The following RAD51B variants were observed in gnomAD, a reference collection of about 807,000 sequenced individuals.
The protein encoded by RAD51B is RAD51 paralog B, also known as DNA repair protein RAD51 homolog 2.
RAD51B carries 38 observed loss-of-function variants against 42.2 expected under a neutral mutation model. The observed-to-expected ratio is 0.90, with a 90% CI of 0.70 to 1.18. The LOEUF (loss-of-function observed/expected upper bound fraction) is 1.18. Ranked by LOEUF, RAD51B falls within the 50% of genes most tolerant of loss-of-function variation. RAD51B has a pLI of 0.00. For synonymous variants in RAD51B, 154 were observed against 145.2 expected (o/e 1.06, Z -0.43); for missense variants, 373 against 400.7 (o/e 0.93, Z 0.59).
chr14:67,958,442 GA>G (rs1384840108), intron 7 of RAD51B, among the ~76,000 whole-genome samples: 1 of 152,078 alleles, frequency 6.6e-6, no homozygotes, highest in Non-Finnish European at 1.5e-5. Flanking sequence ...CTTGAAAAAA[GA>G]TGAAAAATAC....
At chr14:67,894,732 G>A (rs951514550) in intron 7 of RAD51B, among the ~76,000 whole-genome samples, 2 of 152,102 alleles carry the variant, frequency 1.3e-5, no homozygotes, top group African/African-American at 2.4e-5. Flanking sequence ...ATAGTCTCTC[G>A]GGTAAACCCT....
At chr14:68,303,270 A>G (rs1477798460) in intron 8 of RAD51B, among the ~76,000 whole-genome samples, 1 of 152,132 alleles carries the variant, frequency 6.6e-6, no homozygotes, top group African/African-American at 2.4e-5. Flanking sequence ...GAGCTGAACA[A>G]TGAGAACACA....
intron 7 of RAD51B, among the ~76,000 whole-genome samples, chr14:68,052,796 G>GTT (rs1160215989): frequency 2.8e-5 from 4 of 141,382 alleles, no homozygotes; most frequent in Non-Finnish European, 4.7e-5. Flanking sequence ...ATTTTTTTGT[G>GTT]TTTTTTTTTT....
intron 7 of RAD51B, among the ~76,000 whole-genome samples, chr14:68,072,541 T>G (rs2076770304): frequency 6.6e-6 from 1 of 152,030 alleles, no homozygotes; most frequent in Non-Finnish European, 1.5e-5. Context: ...CGATTAAGAG[T>G]GGGTCTGCCT....
intron 7 of RAD51B, among the ~76,000 whole-genome samples, chr14:68,095,527 G>A (rs2077177120): frequency 6.6e-6 from 1 of 151,954 alleles, no homozygotes. Context: ...TCAATTTCAT[G>A]TATACTGTTT....
rs147622760 is a variant in RAD51B, at chr14:68,618,224, C to T, written c.1037-32557C>T. ...CCAGATTCACTCGCCACCCTTTGGC[C>T]TGTCAACCTGTCTAGATTGCATCAA... On this transcript the variant is annotated intron_variant, in intron 10 of 11. Transcript: ENST00000488612. 8.8e-4 allele frequency among the ~76,000 whole-genome samples: 134 copies of T among 152,328 alleles called. 1 individual carries two copies. The highest frequency in any genetic ancestry group is 3.0e-3 in the African/African-American group (124 of 41,564).
chr14:68,177,815 C>T (rs2078990083), intron 7 of RAD51B, among the ~76,000 whole-genome samples: 1 of 152,100 alleles, frequency 6.6e-6, no homozygotes, highest in East Asian at 1.9e-4. Flanking sequence ...GTCTATTGAT[C>T]ATTGAGCCAC....
chr14:68,073,525 A>G (rs998055142), intron 7 of RAD51B, among the ~76,000 whole-genome samples: 9 of 151,970 alleles, frequency 5.9e-5, no homozygotes, highest in Non-Finnish European at 1.0e-4. Flanking sequence ...GTTTTTCTTC[A>G]TGGTTAATAT....
At chr14:68,468,623 A>G in intron 10 of RAD51B, 1 of 344,436 alleles carries the variant, frequency 2.9e-6, no homozygotes, top group South Asian at 2.3e-5. Context: ...GCTGCCCCAG[A>G]GCCTTCTTGC....
exon 11 of RAD51B, chr14:68,595,317 C>G (rs1595010649): frequency 9.4e-7 from 1 of 1,066,382 alleles, no homozygotes; most frequent in East Asian, 4.9e-5. Context: ...TTACAATAAG[C>G]TTGCCTGCCT....
At chr14:68,312,305 G>A (rs1482811568) in intron 8 of RAD51B, among the ~76,000 whole-genome samples, 2 of 152,226 alleles carry the variant, frequency 1.3e-5, no homozygotes, top group Admixed American at 1.3e-4. Context: ...CATGTTCGGA[G>A]CAGAATGTAT....
chr14:68,591,530 A>G (rs1453884788), intron 10 of RAD51B, among the ~76,000 whole-genome samples: 1 of 152,186 alleles, frequency 6.6e-6, no homozygotes, highest in Non-Finnish European at 1.5e-5. Flanking sequence ...TATCCTTCCA[A>G]TGACTCAAAT....
intron 11 of RAD51B, among the ~76,000 whole-genome samples, chr14:68,651,028 C>T (rs1892689083): frequency 6.6e-6 from 1 of 152,116 alleles, no homozygotes; most frequent in Admixed American, 6.5e-5. Context: ...GTTAACAGTA[C>T]AGTAACTGAA....
rs148971976 is a variant in RAD51B, at chr14:68,457,916, G to A, written c.958-10256G>A. Among the ~76,000 whole-genome samples the A allele has an allele frequency of 5.6e-4, 83 of 147,966 alleles. 1 individual carries two copies. The East Asian group carries it at 0.01, about 18-fold the overall frequency. On this transcript the variant is annotated intron_variant, in intron 9 of 10. Transcript: ENST00000471583. Reference sequence around the variant, plus strand: ...GCGTGAGCCACTGCGCCCAGCCCTAGGAATTATTAACACTTTCAAACCACA... The same window carrying A: ...GCGTGAGCCACTGCGCCCAGCCCTAAGAATTATTAACACTTTCAAACCACA...
intron 7 of RAD51B, among the ~76,000 whole-genome samples, chr14:68,133,778 G>A (rs2077950579): frequency 6.6e-6 from 1 of 151,894 alleles, no homozygotes; most frequent in South Asian, 2.1e-4. Context: ...GGCCAAATCT[G>A]AATGATTTTT....
At chr14:68,179,177 TTA>T (rs1453918201) in intron 7 of RAD51B, among the ~76,000 whole-genome samples, 39 of 152,294 alleles carry the variant, frequency 2.6e-4, no homozygotes, top group African/African-American at 8.4e-4. Flanking sequence ...TACAGTTAAA[TTA>T]CTGTTTATTG....
At chr14:68,245,100 T>C (rs918733089) in intron 7 of RAD51B, among the ~76,000 whole-genome samples, 2 of 152,136 alleles carry the variant, frequency 1.3e-5, no homozygotes, top group Non-Finnish European at 1.5e-5. Context: ...GTCTCCTCCA[T>C]CTCCTCCAGA....
intron 7 of RAD51B, among the ~76,000 whole-genome samples, chr14:67,945,431 A>C (rs2045355299): frequency 6.6e-6 from 1 of 152,174 alleles, no homozygotes; most frequent in Non-Finnish European, 1.5e-5. Context: ...CACAATACCA[A>C]GTTCTCATGA....
intron 8 of RAD51B, among the ~76,000 whole-genome samples, chr14:68,405,428 G>C (rs1014368003): frequency 1.3e-5 from 2 of 151,984 alleles, no homozygotes; most frequent in African/African-American, 4.8e-5. Flanking sequence ...TGGGCAATAA[G>C]GGAGACCCTT....
Sources: allele counts gnomAD v4.1 joint callset (sites outside exome capture counted in the v4.1 genomes callset), GRCh38; gene constraint gnomAD v4.1.1; transcripts MANE v1.5; gene names NCBI Gene and HGNC (gene_info 2026-07-23, HGNC 2026-07-21).